Variants in NUDT4 observed in about 807,000 individuals in gnomAD.
The protein encoded by NUDT4 is nudix hydrolase 4.
In NUDT4, 5 loss-of-function variants were observed where a neutral mutation model predicts 23.1. The ratio of observed to expected loss-of-function variants is 0.22; its 90% confidence interval spans 0.11 to 0.46. NUDT4 has a LOEUF of 0.46. NUDT4 is among the 20% of genes least tolerant of loss of function. The pLI, the probability that NUDT4 is intolerant of heterozygous loss-of-function variation, is 0.99. For synonymous variants in NUDT4, 50 were observed against 79.0 expected (o/e 0.63, Z 1.95); for missense variants, 96 against 211.6 (o/e 0.45, Z 3.39).
In NUDT4 at chr12:93,378,406, C is replaced by T. The variant is rs1592710029; in HGVS notation, c.84C>T (p.Ser28=). 10 of 1,554,196 alleles carry T rather than the reference C, an allele frequency of 6.4e-6. No homozygotes were observed. In the East Asian group the frequency reaches 2.4e-4, roughly 37 times the overall value. The change falls in exon 1 of 5, where the codon AGC becomes AGT. Residue 28 remains serine, a synonymous_variant. Transcript: ENST00000415493. ...GGGCGGCGTGCCTGTGCTTCCGGAGCGAGCAGGAGGACGAGGTAGGGCGCC... is the reference window on the plus strand; with the variant it reads ...GGGCGGCGTGCCTGTGCTTCCGGAGTGAGCAGGAGGACGAGGTAGGGCGCC... The part of the protein sequence containing the change: ...KKRAACLCFR[S]EQEDEVLLVS...
intron 1 of NUDT4, among the ~76,000 whole-genome samples, chr12:93,382,316 G>C (rs537372936): frequency 2.6e-4 from 40 of 150,972 alleles, no homozygotes; most frequent in African/African-American, 9.5e-4. Flanking sequence ...CATAGGACTT[G>C]CTGCCCTAAT....
In NUDT4 at chr12:93,404,043, G is replaced by A. The variant is rs899638570; in HGVS notation, c.*4664G>A. On this transcript the variant is annotated 3_prime_UTR_variant, in exon 5 of 5. Transcript: ENST00000415493. The stretch of plus-strand genomic sequence containing the variant: ...ACATTTGACAAACATCTCCCAATAT[G>A]TAGACTCCCACTCTCCTGATGCTAA... 1 of 152,174 alleles carries A rather than the reference G, an allele frequency of 6.6e-6. No homozygotes were observed. The highest frequency in any genetic ancestry group is 1.5e-5 in the Non-Finnish European group (1 of 68,042). 9.4% of individuals were successfully genotyped at this position (152,174 alleles called of 1,614,324 possible).
chr12:93,388,408 T>C (rs1876252314), intron 1 of NUDT4, among the ~76,000 whole-genome samples: 2 of 152,232 alleles, frequency 1.3e-5, no homozygotes, highest in Non-Finnish European at 2.9e-5. Context: ...AAGATGTATA[T>C]TCAGTATCTT....
At chr12:93,389,022 G>T (rs546253033) in intron 1 of NUDT4, among the ~76,000 whole-genome samples, 30 of 152,326 alleles carry the variant, frequency 2.0e-4, no homozygotes, top group African/African-American at 7.2e-4. Flanking sequence ...TGTCAATTTA[G>T]ATGAGTAGAC....
chr12:93,407,014 G>T lies in NUDT4; in HGVS notation c.*7635G>T, dbSNP rs1455956584. The T allele has an allele frequency of 6.6e-6, 1 of 152,166 alleles. No individual in the cohort carries two copies. The highest frequency in any genetic ancestry group is 1.9e-4 in the East Asian group (1 of 5,208). The allele number at this position is 152,166 out of a possible 1,614,324, so 9.4% of individuals were successfully genotyped here. ...AGATTTTAGAAAAGCCTCTTAACGG[G>T]CAATTTTCTTTTAAATAAAGACTGG... On this transcript the variant is annotated 3_prime_UTR_variant, in exon 5 of 5. Coordinates refer to ENST00000415493, the MANE Select transcript of NUDT4 (RefSeq NM_019094.6).
At chr12:93,392,702 T>C (rs1344060640) in intron 1 of NUDT4, among the ~76,000 whole-genome samples, 2 of 107,728 alleles carry the variant, frequency 1.9e-5, no homozygotes, top group African/African-American at 7.3e-5. Context: ...GATGGAGTCT[T>C]GCTCTGTTGC....
intron 1 of NUDT4, among the ~76,000 whole-genome samples, chr12:93,392,666 C>CT (rs71307563): frequency 0.17 from 12,613 of 75,824 alleles, 1,490 homozygotes; most frequent in African/African-American, 0.22. Flanking sequence ...AGATTTCAGT[C>CT]TTTTTTTTTT....
Position 93,405,777 on chromosome 12 carries a change from C to A in NUDT4, c.*6398C>A, listed in dbSNP as rs1877776656. 1 of 151,950 alleles carries A rather than the reference C, an allele frequency of 6.6e-6. No individual in the cohort carries two copies. The highest frequency in any genetic ancestry group is 1.5e-5 in the Non-Finnish European group (1 of 67,998). 9.4% of individuals were successfully genotyped at this position (151,950 alleles called of 1,614,324 possible). A position where few individuals can be genotyped will look rare whatever the true frequency, so the allele number is the denominator to read the frequency against. ...CTTTTTATGTTATTTAAAGTATAAACCCTCATATAATTCCCTAAGATGGGT... is the reference window on the plus strand; with the variant it reads ...CTTTTTATGTTATTTAAAGTATAAAACCTCATATAATTCCCTAAGATGGGT... On this transcript the variant is annotated 3_prime_UTR_variant, in exon 5 of 5. Transcript: ENST00000415493.
At chr12:93,378,748 C>T (rs1875402795) in intron 1 of NUDT4, 1 of 1,050,272 alleles carries the variant, frequency 9.5e-7, no homozygotes, top group African/African-American at 1.7e-5. Flanking sequence ...AGTTGAAAGC[C>T]GGATAAACCT....
Position 93,404,424 on chromosome 12 carries a change from T to G in NUDT4, c.*5045T>G, listed in dbSNP as rs188358392. On this transcript the variant is annotated 3_prime_UTR_variant, in exon 5 of 5. Transcript: ENST00000415493. ...CCTGTCGGAGAGCTACTGAGTAGTATTTTATCACAGCTGCATACATACCCT... is the reference window on the plus strand; with the variant it reads ...CCTGTCGGAGAGCTACTGAGTAGTAGTTTATCACAGCTGCATACATACCCT... The G allele has an allele frequency of 6.4e-4, 97 of 152,350 alleles. No individual in the cohort carries two copies. Among genetic ancestry groups the G allele is most frequent in the African/African-American group, 2.0e-3 (84 of 41,580 alleles). The allele number at this position is 152,350 out of a possible 1,614,324, so 9.4% of individuals were successfully genotyped here.
At position 93,407,049 on chromosome 12, in the gene NUDT4, TG is replaced by T. The variant is rs1478011009; in HGVS notation, c.*7671del. 3 of 152,224 alleles carry T rather than the reference TG, an allele frequency of 2.0e-5. No individual in the cohort carries two copies. The highest frequency in any genetic ancestry group is 2.9e-5 in the Non-Finnish European group (2 of 68,044). The allele number at this position is 152,224 out of a possible 1,614,324, so 9.4% of individuals were successfully genotyped here. ...TTTAAATAAAGACTGGGTCCCACTA[TG>T]TTAGCCAGGCTGGTCACAAACTCCT... On this transcript the variant is annotated 3_prime_UTR_variant, in exon 5 of 5. Coordinates refer to ENST00000415493, the MANE Select transcript of NUDT4 (RefSeq NM_019094.6).
intron 1 of NUDT4, 34 bp downstream of exon 1, chr12:93,378,455 G>T: frequency 6.6e-7 from 1 of 1,523,402 alleles, no homozygotes; most frequent in Non-Finnish European, 8.8e-7. Context: ...TGCCCTCCGG[G>T]GCGCCGGGGT....
chr12:93,392,474 C>G (rs989878503), intron 1 of NUDT4, among the ~76,000 whole-genome samples: 10 of 150,882 alleles, frequency 6.6e-5, no homozygotes, highest in East Asian at 2.0e-4. Context: ...CCAGGCTGGT[C>G]TTGAACTCCT....
rs1339549730 is a variant in NUDT4 at position 93,407,579 on chromosome 12, CTCAGT to C, written c.*8202_*8206del. On this transcript the variant is annotated 3_prime_UTR_variant, in exon 5 of 5. Transcript: ENST00000415493. The stretch of plus-strand genomic sequence containing the variant: ...TTAGGGTGTCTGCTACTCAGATCCT[CTCAGT>C]TAAGTCCCGTGCACAAAGGTGGGTC... 2 of 152,240 alleles carry C rather than the reference CTCAGT, an allele frequency of 1.3e-5. No homozygotes were observed. The highest frequency in any genetic ancestry group is 2.9e-5 in the Non-Finnish European group (2 of 68,058). 9.4% of individuals were successfully genotyped at this position (152,240 alleles called of 1,614,324 possible).
chr12:93,393,338 AG>A (rs1425293506), intron 1 of NUDT4, among the ~76,000 whole-genome samples: 1 of 152,020 alleles, frequency 6.6e-6, no homozygotes, highest in African/African-American at 2.4e-5. Flanking sequence ...TCCTGACCTC[AG>A]GTGATCGCCC....
Position 93,403,027 on chromosome 12 carries a change from CT to C in NUDT4, c.*3651del, listed in dbSNP as rs35606767. ...GAGTATAAGAATTCTCTATAGGACT[CT>C]TTAATTTTTTTTTTTTTTTGGTAGA... On this transcript the variant is annotated 3_prime_UTR_variant, in exon 5 of 5. Coordinates refer to ENST00000415493, the MANE Select transcript of NUDT4 (RefSeq NM_019094.6). 1 of 99,584 alleles carries C rather than the reference CT, an allele frequency of 1.0e-5. No individual in the cohort carries two copies. The highest frequency in any genetic ancestry group is 2.0e-5 in the Non-Finnish European group (1 of 50,372). The allele number at this position is 99,584 out of a possible 1,614,324, so 6.2% of individuals were successfully genotyped here.
rs1195474860 is a variant in NUDT4, at chr12:93,404,911, T to G, written c.*5532T>G. 6.6e-6 allele frequency: 1 copy of G among 150,842 alleles called. No individual in the cohort carries two copies. The highest frequency in any genetic ancestry group is 1.5e-5 in the Non-Finnish European group (1 of 67,936). The allele number at this position is 150,842 out of a possible 1,614,324, so 9.3% of individuals were successfully genotyped here. A position where few individuals can be genotyped will look rare whatever the true frequency, so the allele number is the denominator to read the frequency against. On this transcript the variant is annotated 3_prime_UTR_variant, in exon 5 of 5. Transcript: ENST00000415493. ...AAAATTTTTTTAATGTTTTAGGTTT[T>G]TTTTTTTTTAAAAAAAATACTATGC...
rs2121042379 is a variant in NUDT4 at position 93,407,004 on chromosome 12, C to T, written c.*7625C>T. 1 of 152,296 alleles carries T rather than the reference C, an allele frequency of 6.6e-6. No homozygotes were observed. Among genetic ancestry groups the T allele is most frequent in the Middle Eastern group, 3.4e-3 (1 of 294 alleles). The allele number at this position is 152,296 out of a possible 1,614,324, so 9.4% of individuals were successfully genotyped here. ...CAACACCTCAAGATTTTAGAAAAGC[C>T]TCTTAACGGGCAATTTTCTTTTAAA... On this transcript the variant is annotated 3_prime_UTR_variant, in exon 5 of 5. Transcript: ENST00000415493.
chr12:93,378,685 C>T (rs1875395694), intron 1 of NUDT4: 2 of 1,164,720 alleles, frequency 1.7e-6, no homozygotes, highest in Non-Finnish European at 2.1e-6. Flanking sequence ...CGGGAAGGTC[C>T]CGGGCCGCGT....
Sources: allele counts gnomAD v4.1 joint callset (sites outside exome capture counted in the v4.1 genomes callset), GRCh38; gene constraint gnomAD v4.1.1; transcripts MANE v1.5; gene names NCBI Gene and HGNC (gene_info 2026-07-23, HGNC 2026-07-21).